PSMD14: variants seen among roughly 807,000 people sequenced by gnomAD.
The protein encoded by PSMD14 is proteasome 26S subunit, non-ATPase 14.
PSMD14 carries 7 observed loss-of-function variants against 41.2 expected under a neutral mutation model. That is an observed-to-expected ratio of 0.17 (90% CI 0.10 to 0.32). The LOEUF is 0.32. PSMD14 is among the 10% of genes least tolerant of loss of function. PSMD14 has a pLI of 1.00. For missense variants in PSMD14, 139 were observed against 375.6 expected (o/e 0.37, Z 5.21); for synonymous variants, 114 against 122.3 (o/e 0.93, Z 0.45).
chr2:161,387,076 G>A (rs1476696399), intron 8 of PSMD14, among the ~76,000 whole-genome samples: 2 of 151,712 alleles, frequency 1.3e-5, no homozygotes, highest in African/African-American at 4.8e-5. Context: ...TTTCATTTTA[G>A]TTTGTTTTGC....
intron 10 of PSMD14, 105 bp from the exon 11 acceptor site, chr2:161,408,732 G>A: frequency 1.3e-6 from 1 of 780,382 alleles, no homozygotes. Context: ...TTGAATAAAA[G>A]TTGTATGAAT....
intron 7 of PSMD14, among the ~76,000 whole-genome samples, chr2:161,377,862 C>T (rs926842199): frequency 4.0e-5 from 6 of 151,878 alleles, no homozygotes; most frequent in Non-Finnish European, 8.8e-5. Context: ...TCAACAGACA[C>T]TTGTTGATCA....
rs147829125 is a variant in PSMD14 at position 161,340,276 on chromosome 2, C to T, written c.48+21403C>T. Among the ~76,000 whole-genome samples the T allele has an allele frequency of 0.014, 2,194 of 152,218 alleles. 127 individuals are homozygous for T. The East Asian group carries it at 0.16, about 11-fold the overall frequency. The stretch of plus-strand genomic sequence containing the variant: ...TGTAATCAATATGGCATCTCACCCC[C>T]GACAACCAAGCCAGCCAGAGAGAGA... On this transcript the variant is annotated intron_variant, in intron 3 of 11. Coordinates refer to ENST00000409682, the MANE Select transcript of PSMD14 (RefSeq NM_005805.6).
At chr2:161,379,112 T>C (rs1683541146) in intron 7 of PSMD14, among the ~76,000 whole-genome samples, 1 of 151,994 alleles carries the variant, frequency 6.6e-6, no homozygotes, top group African/African-American at 2.4e-5. Context: ...GGGCCCTTTA[T>C]TGCTTTGCTT....
intron 10 of PSMD14, among the ~76,000 whole-genome samples, chr2:161,397,185 T>C (rs1235029857): frequency 2.0e-5 from 3 of 152,130 alleles, no homozygotes; most frequent in Non-Finnish European, 2.9e-5. Flanking sequence ...TTTAGAAACA[T>C]GATTTCACAA....
intron 9 of PSMD14, among the ~76,000 whole-genome samples, chr2:161,392,616 A>T (rs1165026601): frequency 1.3e-5 from 2 of 152,184 alleles, no homozygotes; most frequent in Admixed American, 1.3e-4. Flanking sequence ...TCATAAACTC[A>T]TCTGAAGGGC....
At chr2:161,336,724 C>T (rs1037960688) in intron 3 of PSMD14, among the ~76,000 whole-genome samples, 16 of 151,936 alleles carry the variant, frequency 1.1e-4, no homozygotes, top group African/African-American at 3.4e-4. Context: ...TACAGGTGTG[C>T]GCCACCATGC....
At chr2:161,395,256 T>G (rs1683777487) in intron 10 of PSMD14, 53 bp downstream of exon 10, 2 of 1,394,492 alleles carry the variant, frequency 1.4e-6, no homozygotes, top group Admixed American at 5.1e-5. Flanking sequence ...TATGTATGAT[T>G]AGATGCCAAG....
intron 3 of PSMD14, among the ~76,000 whole-genome samples, chr2:161,350,279 G>A (rs1268840946): frequency 6.6e-6 from 1 of 152,154 alleles, no homozygotes; most frequent in African/African-American, 2.4e-5. Flanking sequence ...TTTAGTATAA[G>A]TATGTCCCAA....
At chr2:161,385,438 A>AT in intron 7 of PSMD14, 26 bp from the exon 8 acceptor site, 1 of 1,482,086 alleles carries the variant, frequency 6.7e-7, no homozygotes, top group Non-Finnish European at 9.3e-7. Context: ...TTAAAAAAAA[A>AT]TTGACTTGAC....
intron 3 of PSMD14, among the ~76,000 whole-genome samples, chr2:161,350,346 C>T (rs934034875): frequency 6.6e-6 from 1 of 152,114 alleles, no homozygotes; most frequent in African/African-American, 2.4e-5. Flanking sequence ...TCAAATTTAA[C>T]TTAGTATCAT....
intron 3 of PSMD14, among the ~76,000 whole-genome samples, chr2:161,358,526 C>A (rs1207382050): frequency 6.6e-6 from 1 of 152,200 alleles, no homozygotes; most frequent in East Asian, 1.9e-4. Flanking sequence ...TCCTCCCAAT[C>A]CTGAAACTTT....
At chr2:161,387,013 A>G (rs1683644225) in intron 8 of PSMD14, among the ~76,000 whole-genome samples, 1 of 152,012 alleles carries the variant, frequency 6.6e-6, no homozygotes, top group Non-Finnish European at 1.5e-5. Flanking sequence ...GCAGGTTCCA[A>G]ACCTGTGTTA....
At chr2:161,371,694 T>A (rs1279147576) in intron 7 of PSMD14, among the ~76,000 whole-genome samples, 3 of 152,158 alleles carry the variant, frequency 2.0e-5, no homozygotes, top group African/African-American at 4.8e-5. Context: ...CACAACATTT[T>A]AAAAATCTAT....
At chr2:161,401,439 A>G (rs1348366281) in intron 10 of PSMD14, among the ~76,000 whole-genome samples, 1 of 152,240 alleles carries the variant, frequency 6.6e-6, no homozygotes, top group Non-Finnish European at 1.5e-5. Flanking sequence ...AAATGGACGC[A>G]ACTAGCTGCA....
chr2:161,377,969 A>T (rs1683523974), intron 7 of PSMD14, among the ~76,000 whole-genome samples: 1 of 151,906 alleles, frequency 6.6e-6, no homozygotes, highest in Non-Finnish European at 1.5e-5. Flanking sequence ...GAAACGTGGA[A>T]ACTATGACTT....
At chr2:161,354,810 T>G (rs969598817) in intron 3 of PSMD14, among the ~76,000 whole-genome samples, 3 of 152,212 alleles carry the variant, frequency 2.0e-5, no homozygotes, top group Non-Finnish European at 2.9e-5. Flanking sequence ...TATGTTACTT[T>G]GATAGGGTCT....
intron 3 of PSMD14, among the ~76,000 whole-genome samples, chr2:161,353,268 A>G (rs1683145795): frequency 6.6e-6 from 1 of 152,180 alleles, no homozygotes; most frequent in Admixed American, 6.5e-5. Context: ...TAGGCATGTC[A>G]GGGAATTCCA....
chr2:161,318,747 G>C, intron 2 of PSMD14, 75 bp from the exon 3 acceptor site: 2 of 1,148,894 alleles, frequency 1.7e-6, no homozygotes, highest in Non-Finnish European at 2.6e-6. Context: ...AGTGACTGAA[G>C]GTGAATTATA....
Sources: gnomAD v4.1 joint callset for allele counts (sites outside exome capture counted in the v4.1 genomes callset) on GRCh38, gnomAD v4.1.1 for gene constraint, MANE v1.5 for transcripts, NCBI Gene and HGNC (gene_info 2026-07-23, HGNC 2026-07-21) for gene names.